Variants in PIWIL2 observed in about 807,000 individuals in gnomAD.
The protein encoded by PIWIL2 is piwi-like protein 2.
A neutral mutation model predicts 116.5 loss-of-function variants in PIWIL2; 81 were observed. The observed-to-expected ratio is 0.70, with a 90% CI of 0.58 to 0.84. The LOEUF is 0.84. Ranked by LOEUF, PIWIL2 falls within the 40% of genes least tolerant of loss-of-function variation. The pLI is 0.00. For missense variants in PIWIL2, 1,272 were observed against 1,212.3 expected (o/e 1.05, Z -0.73); for synonymous variants, 489 against 429.5 (o/e 1.14, Z -1.71).
chr8:22,329,133 G>C (rs1265026730), intron 20 of PIWIL2, among the ~76,000 whole-genome samples: 1 of 152,082 alleles, frequency 6.6e-6, no homozygotes, highest in Non-Finnish European at 1.5e-5. Flanking sequence ...TGTTAAGAAA[G>C]TTTCTGCTCC....
At chr8:22,345,437 G>A (rs1239221117) in intron 20 of PIWIL2, among the ~76,000 whole-genome samples, 1 of 152,072 alleles carries the variant, frequency 6.6e-6, no homozygotes, top group Non-Finnish European at 1.5e-5. Context: ...GAGGCGGGCG[G>A]ATCACTTGAG....
At chr8:22,293,961 C>T (rs1266594270) in intron 10 of PIWIL2, among the ~76,000 whole-genome samples, 2 of 152,182 alleles carry the variant, frequency 1.3e-5, no homozygotes, top group Non-Finnish European at 2.9e-5. Context: ...AGTTGTTTAG[C>T]ATTTTGATGG....
rs1399407892 is a variant in PIWIL2, at chr8:22,288,525, G to T, written c.862-17G>T. ...AGTTTTGTCATTTTGTTTCACCTGT[G>T]TGTATTTATTTGTTAGGTTCTTGAG... On this transcript the variant is annotated splice_polypyrimidine_tract_variant and intron_variant, in intron 7 of 22. Coordinates refer to ENST00000356766, the MANE Select transcript of PIWIL2 (RefSeq NM_018068.5). 1 of 1,605,992 alleles carries T rather than the reference G, an allele frequency of 6.2e-7. No individual in the cohort carries two copies. The highest frequency in any genetic ancestry group is 1.7e-5 in the Admixed American group (1 of 59,438).
chr8:22,309,470 T>C (rs1831271619), intron 14 of PIWIL2, among the ~76,000 whole-genome samples: 1 of 151,824 alleles, frequency 6.6e-6, no homozygotes, highest in Non-Finnish European at 1.5e-5. Flanking sequence ...CCCAAGTAGC[T>C]GGGGACTACA....
intron 6 of PIWIL2, among the ~76,000 whole-genome samples, chr8:22,285,646 T>C (rs886817288): frequency 4.6e-5 from 7 of 151,288 alleles, no homozygotes; most frequent in Admixed American, 3.3e-4. Flanking sequence ...TACTATTTCT[T>C]TTTTTTTTCT....
chr8:22,286,399 A>C (rs1237157015), intron 6 of PIWIL2, among the ~76,000 whole-genome samples: 2 of 152,218 alleles, frequency 1.3e-5, no homozygotes, highest in East Asian at 3.9e-4. Context: ...AGCTGAGCAC[A>C]TACAACAGGT....
rs770221572 is a variant in PIWIL2 at position 22,279,432 on chromosome 8, C to T, written c.46C>T (p.Pro16Ser). ...PSFRGQSPIHPSQCQAVRMPG... is the reference protein window; with the variant it reads ...PSFRGQSPIHSSQCQAVRMPG... ...GTTCAGGGGCCAGTCTCCTATCCAC[C>T]CATCCCAGTGCCAGGCTGTACGGAT... Residue 16 changes from proline to serine, a missense_variant, in exon 2 of 23, where the codon CCA (proline) becomes TCA (serine). Transcript: ENST00000356766. 17 of 1,614,162 alleles carry T rather than the reference C, an allele frequency of 1.1e-5. No homozygotes were observed. The highest frequency in any genetic ancestry group is 1.4e-5 in the Non-Finnish European group (17 of 1,180,000).
At chr8:22,321,770 C>T (rs903676809) in intron 20 of PIWIL2, 7 of 528,374 alleles carry the variant, frequency 1.3e-5, no homozygotes, top group Non-Finnish European at 2.4e-6. Flanking sequence ...ACTCAGCAGC[C>T]TCAACAAATT....
Position 22,354,365 on chromosome 8 carries a change from G to C in PIWIL2, c.2752G>C (p.Asp918His). ...TCTCAACACCGCAAACCTGAGCCCT[G>C]ATCATATGCAGAGGTGGGCCCATCA... ...CVLNTANLSP[D>H]HMQRLTFKLC... The change falls in exon 22 of 23, where the codon GAT (aspartate) becomes CAT (histidine). Residue 918 changes from aspartate (D) to histidine (H), a missense_variant. Transcript: ENST00000356766. 4 of 1,607,682 alleles carry C rather than the reference G, an allele frequency of 2.5e-6. No homozygotes were observed. The highest frequency in any genetic ancestry group is 3.4e-6 in the Non-Finnish European group (4 of 1,174,248).
chr8:22,315,848 AT>A (rs1831445605), intron 18 of PIWIL2, among the ~76,000 whole-genome samples: 1 of 152,158 alleles, frequency 6.6e-6, no homozygotes, highest in Non-Finnish European at 1.5e-5. Context: ...TGGATTTTAG[AT>A]TTCTGGGGGT....
intron 10 of PIWIL2, among the ~76,000 whole-genome samples, chr8:22,300,224 G>A (rs1210463976): frequency 6.6e-6 from 1 of 152,058 alleles, no homozygotes; most frequent in Non-Finnish European, 1.5e-5. Flanking sequence ...GCATAAGGGG[G>A]GCGAGGAAGA....
intron 10 of PIWIL2, among the ~76,000 whole-genome samples, chr8:22,301,966 A>G (rs931205577): frequency 6.6e-6 from 1 of 152,158 alleles, no homozygotes; most frequent in Non-Finnish European, 1.5e-5. Flanking sequence ...TTTAAGGCAC[A>G]AATGTCCCTC....
chr8:22,351,440 CATATATATATATATA>C (rs1832353504), intron 20 of PIWIL2, among the ~76,000 whole-genome samples: 2 of 52,956 alleles, frequency 3.8e-5, no homozygotes, highest in African/African-American at 5.6e-5. Context: ...TGCATACATA[CATATATATATATATA>C]TATATATATA....
intron 10 of PIWIL2, among the ~76,000 whole-genome samples, chr8:22,292,906 C>T (rs1274261702): frequency 2.0e-5 from 3 of 152,194 alleles, no homozygotes; most frequent in Non-Finnish European, 4.4e-5. Context: ...TGGCATGGAA[C>T]TTCAGCATGA....
intron 14 of PIWIL2, among the ~76,000 whole-genome samples, chr8:22,309,686 A>T (rs1173580095): frequency 6.6e-6 from 1 of 152,246 alleles, no homozygotes; most frequent in Admixed American, 6.5e-5. Flanking sequence ...CAGTCATTCT[A>T]AATAGACAAT....
At chr8:22,333,872 A>G (rs1309324509) in intron 20 of PIWIL2, among the ~76,000 whole-genome samples, 3 of 152,100 alleles carry the variant, frequency 2.0e-5, no homozygotes, top group East Asian at 3.8e-4. Flanking sequence ...CATATGAATT[A>G]TAGCTCAGAT....
intron 1 of PIWIL2, among the ~76,000 whole-genome samples, chr8:22,276,676 G>A (rs1056732850): frequency 6.6e-6 from 1 of 152,160 alleles, no homozygotes; most frequent in Non-Finnish European, 1.5e-5. Flanking sequence ...TGAGGTGAGA[G>A]GATCACTTGA....
At chr8:22,283,300 C>A in intron 5 of PIWIL2, 60 bp downstream of exon 5, 2 of 1,336,424 alleles carry the variant, frequency 1.5e-6, no homozygotes, top group Non-Finnish European at 1.1e-6. Flanking sequence ...TGCATTTTGG[C>A]TCGTGTGTAG....
chr8:22,336,657 A>C (rs1174520285), intron 20 of PIWIL2, among the ~76,000 whole-genome samples: 1 of 152,136 alleles, frequency 6.6e-6, no homozygotes, highest in Non-Finnish European at 1.5e-5. Flanking sequence ...TTGTAGTTAC[A>C]GGTACTCCGG....
Sources: allele counts gnomAD v4.1 joint callset (sites outside exome capture counted in the v4.1 genomes callset), GRCh38; gene constraint gnomAD v4.1.1; transcripts MANE v1.5; gene names NCBI Gene and HGNC (gene_info 2026-07-23, HGNC 2026-07-21).